The following SDK1 variants were observed in gnomAD, a reference collection of about 807,000 sequenced individuals.
SDK1 encodes the protein sidekick cell adhesion molecule 1, also known as protein sidekick-1.
A neutral mutation model predicts 245.5 loss-of-function variants in SDK1; 157 were observed. The observed-to-expected ratio is 0.64, with a 90% CI of 0.56 to 0.73. The LOEUF is 0.73. SDK1 is among the 30% of genes least tolerant of loss of function. The pLI, the probability that SDK1 is intolerant of heterozygous loss-of-function variation, is 0.00. For synonymous variants in SDK1, 1,647 were observed against 1,278.5 expected, an observed-to-expected ratio of 1.29 and a Z score of -6.15; for missense variants, 3,583 against 3,002.3, an observed-to-expected ratio of 1.19 and a Z score of -4.52.
intron 4 of SDK1, among the ~76,000 whole-genome samples, chr7:3,796,758 A>G (rs145020405): frequency 5.6e-4 from 85 of 152,300 alleles, no homozygotes; most frequent in Non-Finnish European, 8.5e-4. Flanking sequence ...AGTATTGATT[A>G]TTAATTTTAA....
chr7:3,349,377 C>T lies in SDK1; in HGVS notation c.298+47493C>T, dbSNP rs192788803. Among the ~76,000 whole-genome samples the T allele has an allele frequency of 1.3e-3, 204 of 151,904 alleles. 4 individuals carry two copies. Among genetic ancestry groups the T allele is most frequent in the African/African-American group, 4.8e-3 (198 of 41,430 alleles). On this transcript the variant is annotated intron_variant, in intron 1 of 44. Coordinates refer to ENST00000404826, the MANE Select transcript of SDK1 (RefSeq NM_152744.4). The stretch of plus-strand genomic sequence containing the variant: ...ACTCATCTGAAAAAGAAGCCTGCTC[C>T]TCCAACTGGAAGGGGAATGGGGCTG...
chr7:3,565,620 T>A (rs1779887461), intron 1 of SDK1, among the ~76,000 whole-genome samples: 1 of 152,038 alleles, frequency 6.6e-6, no homozygotes, highest in African/African-American at 2.4e-5. Context: ...TGGAGGGGAG[T>A]GGTTCTGGAA....
chr7:3,600,310 G>A (rs34024103), intron 1 of SDK1, among the ~76,000 whole-genome samples: 29,404 of 152,126 alleles, frequency 0.19, 3,239 homozygotes, highest in South Asian at 0.29. Flanking sequence ...GAAGGGCTGT[G>A]TGAGTGTGAG....
intron 1 of SDK1, among the ~76,000 whole-genome samples, chr7:3,511,227 T>A (rs946223013): frequency 1.3e-5 from 2 of 152,248 alleles, no homozygotes; most frequent in South Asian, 4.1e-4. Flanking sequence ...CCTTCTTGGG[T>A]ACTTACAAGA....
chr7:3,816,982 C>G (rs935297713), intron 4 of SDK1, among the ~76,000 whole-genome samples: 1 of 151,972 alleles, frequency 6.6e-6, no homozygotes, highest in African/African-American at 2.4e-5. Context: ...AGTGGTAAAA[C>G]TATAGACTCA....
At chr7:3,788,505 T>C (rs1173666357) in intron 4 of SDK1, among the ~76,000 whole-genome samples, 1 of 152,188 alleles carries the variant, frequency 6.6e-6, no homozygotes, top group Non-Finnish European at 1.5e-5. Flanking sequence ...AGAAATCACA[T>C]GTCCTATTAG....
chr7:3,451,345 A>G (rs2128591676), intron 1 of SDK1, among the ~76,000 whole-genome samples: 1 of 152,192 alleles, frequency 6.6e-6, no homozygotes, highest in East Asian at 1.9e-4. Flanking sequence ...GGCACAGGCA[A>G]GTTTGAGGTA....
chr7:4,004,113 C>T (rs1785279421), intron 14 of SDK1, among the ~76,000 whole-genome samples: 1 of 152,324 alleles, frequency 6.6e-6, no homozygotes, highest in South Asian at 2.1e-4. Flanking sequence ...TGGACACATA[C>T]AGCCATCAGC....
intron 14 of SDK1, among the ~76,000 whole-genome samples, chr7:3,988,903 C>T (rs149448398): frequency 0.051 from 7,778 of 152,230 alleles, 277 homozygotes; most frequent in Middle Eastern, 0.11. Context: ...TCCCGAGTAG[C>T]TGGGACTACA....
At chr7:4,143,617 A>G (rs929370) in intron 28 of SDK1, among the ~76,000 whole-genome samples, 91,313 of 152,064 alleles carry the variant, frequency 0.6, 27,709 homozygotes, top group East Asian at 0.8. Context: ...CTTCCTTTGA[A>G]GGGCCCGCTA....
intron 1 of SDK1, among the ~76,000 whole-genome samples, chr7:3,588,439 T>C (rs944001778): frequency 1.3e-5 from 2 of 152,232 alleles, no homozygotes; most frequent in African/African-American, 4.8e-5. Context: ...ACAAAGTTTC[T>C]GGTTCAGAAA....
intron 40 of SDK1, among the ~76,000 whole-genome samples, chr7:4,232,156 AACTT>A (rs887942384): frequency 1.1e-4 from 16 of 151,058 alleles, no homozygotes; most frequent in African/African-American, 3.4e-4. Flanking sequence ...TATAAATATT[AACTT>A]ACTTAATCCT....
At chr7:3,351,893 G>A (rs997071864) in intron 1 of SDK1, among the ~76,000 whole-genome samples, 2 of 151,694 alleles carry the variant, frequency 1.3e-5, no homozygotes, top group Non-Finnish European at 2.9e-5. Context: ...CTGACCTCAT[G>A]GACATTCATA....
chr7:3,346,736 T>TAC (rs1562430017), intron 1 of SDK1, among the ~76,000 whole-genome samples: 4 of 140,278 alleles, frequency 2.9e-5, no homozygotes, highest in South Asian at 2.3e-4. Flanking sequence ...CATATATATA[T>TAC]ACACGTATAT....
chr7:3,741,328 C>G (rs980736373), intron 4 of SDK1, among the ~76,000 whole-genome samples: 2 of 152,208 alleles, frequency 1.3e-5, no homozygotes, highest in African/African-American at 4.8e-5. Flanking sequence ...CAGGAATCCC[C>G]AGCCCCCTGT....
At chr7:3,727,224 A>G (rs937079300) in intron 4 of SDK1, among the ~76,000 whole-genome samples, 3 of 152,240 alleles carry the variant, frequency 2.0e-5, no homozygotes, top group East Asian at 1.9e-4. Context: ...ATAGAGAAGC[A>G]TGTTACTTTT....
chr7:3,640,851 T>C (rs1782626829), intron 3 of SDK1, among the ~76,000 whole-genome samples: 1 of 152,046 alleles, frequency 6.6e-6, no homozygotes, highest in South Asian at 2.1e-4. Flanking sequence ...ACCCAGCTAA[T>C]TTTTGTATTT....
At chr7:3,760,391 T>C (rs1291569207) in intron 4 of SDK1, among the ~76,000 whole-genome samples, 2 of 152,224 alleles carry the variant, frequency 1.3e-5, no homozygotes, top group East Asian at 3.9e-4. Context: ...TACAGTTTGC[T>C]CATAGCTCTT....
chr7:3,528,544 A>C (rs1296998484), intron 1 of SDK1, among the ~76,000 whole-genome samples: 1 of 152,106 alleles, frequency 6.6e-6, no homozygotes, highest in Admixed American at 6.5e-5. Flanking sequence ...ATTTACAAAA[A>C]GATTACTCTC....
Sources: gnomAD v4.1 joint callset for allele counts (sites outside exome capture counted in the v4.1 genomes callset) on GRCh38, gnomAD v4.1.1 for gene constraint, MANE v1.5 for transcripts, NCBI Gene and HGNC (gene_info 2026-07-23, HGNC 2026-07-21) for gene names.